RORA: variants seen among roughly 807,000 people sequenced by gnomAD.
The protein encoded by RORA is RAR related orphan receptor A.
RORA carries 7 observed loss-of-function variants against 69.5 expected under a neutral mutation model. That is an observed-to-expected ratio of 0.10 (90% CI 0.06 to 0.19). The LOEUF is 0.19. Among genes scored for constraint, RORA ranks in the 10% least tolerant of loss-of-function variants. The probability of loss-of-function intolerance (pLI) is 1.00; values close to 1 mark genes in which losing one functional copy is unlikely to be tolerated. For synonymous variants in RORA, 261 were observed against 240.8 expected (o/e 1.08, Z -0.78); for missense variants, 457 against 663.0 (o/e 0.69, Z 3.41).
intron 2 of RORA, among the ~76,000 whole-genome samples, chr15:60,542,023 AAT>A (rs1254210553): frequency 6.6e-6 from 1 of 152,184 alleles, no homozygotes; most frequent in Non-Finnish European, 1.5e-5. Flanking sequence ...ACTGTTTGGC[AAT>A]GTGTGTCTCT....
intron 1 of RORA, among the ~76,000 whole-genome samples, chr15:60,891,015 C>A (rs542218339): frequency 6.6e-6 from 1 of 152,110 alleles, no homozygotes; most frequent in East Asian, 1.9e-4. Context: ...CACAGTTCTC[C>A]GTGGGAAGGA....
intron 6 of RORA, among the ~76,000 whole-genome samples, chr15:60,504,894 A>G (rs1028314606): frequency 3.3e-5 from 5 of 152,338 alleles, no homozygotes; most frequent in African/African-American, 1.2e-4. Context: ...GCCAGGAGTC[A>G]AGGTCTGGTC....
chr15:61,073,652 C>T (rs778451971), intron 1 of RORA, among the ~76,000 whole-genome samples: 2 of 152,162 alleles, frequency 1.3e-5, no homozygotes, highest in Admixed American at 6.5e-5. Flanking sequence ...ATCACGTACC[C>T]GACTTAAAGT....
intron 1 of RORA, among the ~76,000 whole-genome samples, chr15:60,910,911 T>TC (rs1387362113): frequency 5.3e-5 from 8 of 149,754 alleles, no homozygotes; most frequent in African/African-American, 2.0e-4. Flanking sequence ...TGGGTTTTTT[T>TC]TTTTTTTTTG....
At chr15:61,206,198 C>T (rs559632152) in intron 1 of RORA, among the ~76,000 whole-genome samples, 2 of 152,274 alleles carry the variant, frequency 1.3e-5, no homozygotes, top group South Asian at 4.2e-4. Flanking sequence ...TTTGTAACCT[C>T]AGCCCCTAGT....
chr15:60,937,530 T>C (rs566103235), intron 1 of RORA, among the ~76,000 whole-genome samples: 1 of 152,188 alleles, frequency 6.6e-6, no homozygotes, highest in Non-Finnish European at 1.5e-5. Flanking sequence ...GCCTGCACAA[T>C]TCTGTTTCAT....
chr15:61,102,103 G>C (rs765286181), intron 1 of RORA, among the ~76,000 whole-genome samples: 3 of 152,086 alleles, frequency 2.0e-5, no homozygotes, highest in Non-Finnish European at 4.4e-5. Context: ...ATTTCTCCCA[G>C]CCCTCAGCAC....
intron 2 of RORA, among the ~76,000 whole-genome samples, chr15:60,573,614 C>T (rs781080670): frequency 3.9e-5 from 6 of 152,198 alleles, no homozygotes; most frequent in Non-Finnish European, 5.9e-5. Flanking sequence ...CAGACCCCAC[C>T]GGTCTCCTCT....
chr15:60,724,484 C>G (rs1305897523), intron 1 of RORA, among the ~76,000 whole-genome samples: 2 of 152,124 alleles, frequency 1.3e-5, no homozygotes, highest in Non-Finnish European at 2.9e-5. Context: ...TGTGTTTTAT[C>G]CAGGTGTTCG....
At chr15:61,049,267 C>T (rs909204721) in intron 1 of RORA, among the ~76,000 whole-genome samples, 6 of 152,178 alleles carry the variant, frequency 3.9e-5, no homozygotes, top group African/African-American at 1.4e-4. Context: ...TCAGAACTCC[C>T]ACTTACGTTG....
intron 1 of RORA, among the ~76,000 whole-genome samples, chr15:61,085,534 G>A (rs1416825522): frequency 2.6e-5 from 4 of 152,214 alleles, no homozygotes; most frequent in Admixed American, 2.0e-4. Flanking sequence ...AGTAGGTTGG[G>A]GCCAGGGCCT....
chr15:60,929,010 A>G (rs752176419), intron 1 of RORA, among the ~76,000 whole-genome samples: 22 of 151,914 alleles, frequency 1.4e-4, no homozygotes, highest in Non-Finnish European at 2.6e-4. Flanking sequence ...AGGAGCAGAC[A>G]CACTTGTGTG....
At chr15:61,083,116 G>C (rs2078569641) in intron 1 of RORA, among the ~76,000 whole-genome samples, 1 of 152,204 alleles carries the variant, frequency 6.6e-6, no homozygotes, top group Non-Finnish European at 1.5e-5. Flanking sequence ...AGCTGTGCCT[G>C]GAGGACAAGG....
intron 1 of RORA, among the ~76,000 whole-genome samples, chr15:60,777,945 T>C (rs2072197047): frequency 6.6e-6 from 1 of 152,244 alleles, no homozygotes; most frequent in Admixed American, 6.5e-5. Context: ...CTTTGCTCTC[T>C]TGCATCCTTG....
chr15:60,532,238 C>A (rs918575295), intron 2 of RORA, among the ~76,000 whole-genome samples: 1 of 152,156 alleles, frequency 6.6e-6, no homozygotes, highest in African/African-American at 2.4e-5. Context: ...CTTGGCTGAG[C>A]ATTACAGCTT....
In RORA at chr15:61,124,710, A is replaced by G. The variant is rs756026377; in HGVS notation, c.166+104343T>C. On this transcript the variant is annotated intron_variant, in intron 1 of 10. Coordinates refer to ENST00000335670, the MANE Select transcript of RORA (RefSeq NM_134261.3). ...CCTGGGAGCAATAAAACCTCTATCA[A>G]TAAGACTTTAAAACCCAGGCTCTGT... 1.9e-4 allele frequency among the ~76,000 whole-genome samples: 29 copies of G among 152,196 alleles called. No individual in the cohort carries two copies. The Middle Eastern group carries it at 0.01, about 54-fold the overall frequency.
chr15:61,220,327 G>C (rs1380059206), intron 1 of RORA, among the ~76,000 whole-genome samples: 1 of 152,204 alleles, frequency 6.6e-6, no homozygotes, highest in Non-Finnish European at 1.5e-5. Context: ...ACATTCCTGA[G>C]AGTACATGCT....
intron 1 of RORA, among the ~76,000 whole-genome samples, chr15:61,125,278 CAT>C (rs1278453673): frequency 1.3e-5 from 2 of 152,184 alleles, no homozygotes; most frequent in Non-Finnish European, 2.9e-5. Flanking sequence ...ATGCCCTACA[CAT>C]GTTTATGGAA....
At chr15:60,536,873 GT>G (rs370359029) in intron 2 of RORA, among the ~76,000 whole-genome samples, 2 of 152,164 alleles carry the variant, frequency 1.3e-5, no homozygotes, top group Non-Finnish European at 2.9e-5. Context: ...TGTTGATGGT[GT>G]TTTTTTCTGG....
Sources: gnomAD v4.1 joint callset for allele counts (sites outside exome capture counted in the v4.1 genomes callset) on GRCh38, gnomAD v4.1.1 for gene constraint, MANE v1.5 for transcripts, NCBI Gene and HGNC (gene_info 2026-07-23, HGNC 2026-07-21) for gene names.